The following SORBS2 variants were observed in gnomAD, a reference collection of about 807,000 sequenced individuals.
The protein encoded by SORBS2 is sorbin and SH3 domain-containing protein 2.
In SORBS2, 46 loss-of-function variants were observed where a neutral mutation model predicts 97.7. That is an observed-to-expected ratio of 0.47 (90% CI 0.37 to 0.60). The LOEUF is 0.60. SORBS2 is among the 20% of genes least tolerant of loss of function. SORBS2 has a pLI of 0.00. For missense variants in SORBS2, 1,316 were observed against 1,282.3 expected (o/e 1.03, Z -0.40); for synonymous variants, 476 against 473.4 (o/e 1.01, Z -0.07).
intron 2 of SORBS2, among the ~76,000 whole-genome samples, chr4:185,724,067 G>T (rs900759323): frequency 3.3e-5 from 5 of 152,194 alleles, no homozygotes; most frequent in African/African-American, 7.2e-5. Flanking sequence ...TGAACAGCAG[G>T]AAGTGCTTTC....
intron 1 of SORBS2, among the ~76,000 whole-genome samples, chr4:185,948,504 A>C (rs1193515896): frequency 2.2e-5 from 3 of 138,014 alleles, no homozygotes; most frequent in Admixed American, 1.6e-4. Flanking sequence ...AGAGTAATGA[A>C]TTTCAATTTT....
chr4:185,763,626 A>C (rs530635910), intron 2 of SORBS2, among the ~76,000 whole-genome samples: 2 of 152,274 alleles, frequency 1.3e-5, no homozygotes, highest in African/African-American at 4.8e-5. Context: ...CAGGCACAAC[A>C]CCCACGTGCC....
At chr4:185,898,324 G>A (rs1488856394) in intron 1 of SORBS2, among the ~76,000 whole-genome samples, 1 of 152,106 alleles carries the variant, frequency 6.6e-6, no homozygotes, top group East Asian at 1.9e-4. Context: ...TGAACGGTAG[G>A]GGACATAAGC....
chr4:185,938,158 C>T (rs768606141), intron 1 of SORBS2, among the ~76,000 whole-genome samples: 15 of 151,650 alleles, frequency 9.9e-5, no homozygotes, highest in Non-Finnish European at 1.0e-4. Context: ...CCACCATGTC[C>T]AGCTAATTTT....
chr4:185,924,322 T>C (rs1046722985), intron 1 of SORBS2, among the ~76,000 whole-genome samples: 2 of 152,164 alleles, frequency 1.3e-5, no homozygotes, highest in Non-Finnish European at 2.9e-5. Flanking sequence ...GAAGCAAAAG[T>C]TCACCGTGGG....
exon 5 of SORBS2, chr4:185,662,141 G>A: frequency 6.2e-7 from 1 of 1,614,188 alleles, no homozygotes; most frequent in Non-Finnish European, 8.5e-7. Flanking sequence ...TGCTGGAGTT[G>A]AGTGAGGCTG....
At chr4:185,765,580 A>T (rs1560879677) in intron 2 of SORBS2, among the ~76,000 whole-genome samples, 1 of 152,248 alleles carries the variant, frequency 6.6e-6, no homozygotes, top group Non-Finnish European at 1.5e-5. Context: ...GATTTCAGAC[A>T]AGTTTTTACA....
At chr4:185,809,187 G>T (rs1261037592) in intron 1 of SORBS2, among the ~76,000 whole-genome samples, 1 of 151,992 alleles carries the variant, frequency 6.6e-6, no homozygotes, top group Non-Finnish European at 1.5e-5. Context: ...GAAGTCTGAG[G>T]TTACCAGTAC....
chr4:185,652,906 G>A (rs938942001), intron 1 of SORBS2, among the ~76,000 whole-genome samples, 178 bp from the exon 10 acceptor site: 1 of 152,210 alleles, frequency 6.6e-6, no homozygotes, highest in African/African-American at 2.4e-5. Flanking sequence ...TATGTGTGCA[G>A]TTTGTAAACA....
intron 2 of SORBS2, among the ~76,000 whole-genome samples, chr4:185,691,291 C>G (rs764479227): frequency 6.6e-6 from 1 of 151,820 alleles, no homozygotes; most frequent in Non-Finnish European, 1.5e-5. Flanking sequence ...CCTTAATTTC[C>G]CGGGCTCAAG....
chr4:185,822,677 C>T (rs1435207480), intron 1 of SORBS2, among the ~76,000 whole-genome samples: 1 of 152,172 alleles, frequency 6.6e-6, no homozygotes, highest in Non-Finnish European at 1.5e-5. Context: ...GTTGAAAAGT[C>T]ATTATGTAGA....
intron 4 of SORBS2, among the ~76,000 whole-genome samples, chr4:185,667,718 A>ATAAT (rs1554140044): frequency 1.9e-4 from 27 of 145,708 alleles, no homozygotes; most frequent in Non-Finnish European, 3.8e-4. Flanking sequence ...GTATATATAT[A>ATAAT]ATATATATTT....
chr4:185,729,771 T>C (rs1384729364), intron 2 of SORBS2, among the ~76,000 whole-genome samples: 2 of 152,236 alleles, frequency 1.3e-5, no homozygotes, highest in Non-Finnish European at 2.9e-5. Flanking sequence ...AAAGAAAACA[T>C]TTCTTGTACA....
intron 1 of SORBS2, among the ~76,000 whole-genome samples, chr4:185,821,384 T>C (rs1269275265): frequency 6.6e-6 from 1 of 152,140 alleles, no homozygotes; most frequent in Non-Finnish European, 1.5e-5. Context: ...CTTTGGGCCT[T>C]ATCTTCCTGG....
chr4:185,587,595 C>T (rs942503677), exon 15 of SORBS2: 6 of 1,603,594 alleles, frequency 3.7e-6, no homozygotes, highest in Non-Finnish European at 5.1e-6. Context: ...GCATGGCTGG[C>T]AGGCGGCCTC....
intron 1 of SORBS2, among the ~76,000 whole-genome samples, chr4:185,834,654 T>C (rs1460624298): frequency 1.3e-5 from 2 of 152,198 alleles, no homozygotes; most frequent in African/African-American, 4.8e-5. Context: ...AATATTTCTA[T>C]TTAAAATAAT....
chr4:185,591,087 A>G (rs1398927201), intron 13 of SORBS2, among the ~76,000 whole-genome samples: 3 of 96,308 alleles, frequency 3.1e-5, no homozygotes, highest in African/African-American at 5.5e-5. Context: ...AAACTATTCT[A>G]TCATTTAAAC....
Position 185,638,072 on chromosome 4 carries a change from C to T in SORBS2, c.397-7474G>A. ...TTTTCTTATATTAATAGTCTAGCCTCACTTACCGGGCGTCCAAACTCCAGT... is the reference window on the plus strand; with the variant it reads ...TTTTCTTATATTAATAGTCTAGCCTTACTTACCGGGCGTCCAAACTCCAGT... On this transcript the variant is annotated intron_variant, in intron 4 of 14. Transcript: ENST00000418609. 1 of 1,529,638 alleles carries T rather than the reference C, an allele frequency of 6.5e-7. No homozygotes were observed. Among genetic ancestry groups the T allele is most frequent in the Non-Finnish European group, 9.1e-7 (1 of 1,103,012 alleles). The allele number at this position is 1,529,638 out of a possible 1,614,324, so 94.8% of individuals were successfully genotyped here. A position where few individuals can be genotyped will look rare whatever the true frequency, so the allele number is the denominator to read the frequency against.
chr4:185,657,386 C>T, upstream of SORBS2: 1 of 1,475,774 alleles, frequency 6.8e-7, no homozygotes, highest in Non-Finnish European at 9.0e-7. Context: ...GGAGTCTGTG[C>T]ACAGCCCCAG....
Sources: allele counts gnomAD v4.1 joint callset (sites outside exome capture counted in the v4.1 genomes callset), GRCh38; gene constraint gnomAD v4.1.1; transcripts MANE v1.5; gene names NCBI Gene and HGNC (gene_info 2026-07-23, HGNC 2026-07-21).